The following ITGA9 variants were observed in gnomAD, a reference collection of about 807,000 sequenced individuals.
ITGA9 encodes the protein integrin subunit alpha 9.
In ITGA9, 56 loss-of-function variants were observed where a neutral mutation model predicts 127.8. The ratio of observed to expected loss-of-function variants is 0.44; its 90% CI spans 0.35 to 0.55. The LOEUF is 0.55. ITGA9 is among the 20% of genes least tolerant of loss of function. ITGA9 has a pLI of 0.00. For synonymous variants in ITGA9, 508 were observed against 514.5 expected (o/e 0.99, Z 0.17); for missense variants, 1,196 against 1,347.1 (o/e 0.89, Z 1.76).
chr3:37,537,960 G>T (rs758263173), intron 14 of ITGA9, among the ~76,000 whole-genome samples: 4 of 152,210 alleles, frequency 2.6e-5, no homozygotes, highest in Non-Finnish European at 5.9e-5. Context: ...GGTGAAGGTG[G>T]TGAATGCTTT....
At chr3:37,586,137 G>A (rs1699757282) in intron 15 of ITGA9, among the ~76,000 whole-genome samples, 1 of 152,206 alleles carries the variant, frequency 6.6e-6, no homozygotes, top group Admixed American at 6.5e-5. Context: ...AATATTGCCT[G>A]TGCCAACAGT....
intron 15 of ITGA9, among the ~76,000 whole-genome samples, chr3:37,613,207 T>C (rs548779405): frequency 2.8e-4 from 40 of 145,278 alleles, no homozygotes; most frequent in Non-Finnish European, 4.9e-4. Flanking sequence ...AGTGAGAACA[T>C]GCGGTGTTTG....
In ITGA9 at chr3:37,646,687, G is replaced by T. The variant is rs186565445; in HGVS notation, c.1840-7027G>T. Among the ~76,000 whole-genome samples, 5 of 152,332 alleles carry T rather than the reference G, an allele frequency of 3.3e-5. No individual in the cohort carries two copies. The East Asian group carries it at 9.6e-4, about 29-fold the overall frequency. ...CCAACTAGCAGGTGAAGTCTGGAGG[G>T]AGGTGGAAGAGACTGCTTCCAAGCT... On this transcript the variant is annotated intron_variant, in intron 16 of 27. Transcript: ENST00000264741.
chr3:37,698,929 G>T (rs903361798), intron 18 of ITGA9, among the ~76,000 whole-genome samples: 1 of 152,134 alleles, frequency 6.6e-6, no homozygotes, highest in African/African-American at 2.4e-5. Context: ...TAATAAACAC[G>T]TTTTCACGTG....
intron 17 of ITGA9, among the ~76,000 whole-genome samples, chr3:37,672,914 T>TA (rs1700651009): frequency 6.6e-6 from 1 of 151,790 alleles, no homozygotes; most frequent in Non-Finnish European, 1.5e-5. Flanking sequence ...TTTTTTTTTT[T>TA]ACAACAAAAA....
chr3:37,627,464 G>T (rs956303075), intron 15 of ITGA9, among the ~76,000 whole-genome samples: 1 of 152,198 alleles, frequency 6.6e-6, no homozygotes, highest in African/African-American at 2.4e-5. Context: ...CCGCAGCCCC[G>T]AGGAACTCTG....
chr3:37,602,504 T>C (rs554108777), intron 15 of ITGA9, among the ~76,000 whole-genome samples: 1 of 152,280 alleles, frequency 6.6e-6, no homozygotes, highest in South Asian at 2.1e-4. Context: ...TAATGAAATG[T>C]ATCAAGCAGA....
At chr3:37,585,526 G>A (rs998100199) in intron 15 of ITGA9, 24 of 473,478 alleles carry the variant, frequency 5.1e-5, no homozygotes, top group African/African-American at 3.0e-4. Flanking sequence ...TAGCATGCCC[G>A]TTGGGACAAT....
chr3:37,565,315 G>A (rs998893556), intron 15 of ITGA9, among the ~76,000 whole-genome samples: 4 of 152,176 alleles, frequency 2.6e-5, no homozygotes, highest in Non-Finnish European at 5.9e-5. Context: ...GCAGATGCAA[G>A]CACACATGCC....
intron 4 of ITGA9, among the ~76,000 whole-genome samples, chr3:37,483,548 G>A (rs1698578486): frequency 6.6e-6 from 1 of 152,234 alleles, no homozygotes; most frequent in African/African-American, 2.4e-5. Flanking sequence ...TCCTCAGCAC[G>A]TTACCTGGGC....
intron 18 of ITGA9, among the ~76,000 whole-genome samples, chr3:37,730,363 T>C (rs1696272812): frequency 6.6e-6 from 1 of 152,174 alleles, no homozygotes; most frequent in Admixed American, 6.5e-5. Context: ...GTTGTGGGTG[T>C]TGCTTCTGGC....
At chr3:37,503,117 G>A (rs1374844733) in intron 5 of ITGA9, 61 bp from the exon 6 acceptor site, 1 of 1,596,350 alleles carries the variant, frequency 6.3e-7, no homozygotes, top group African/African-American at 1.3e-5. Context: ...GGTTCTCATT[G>A]CATTCCCCTC....
intron 15 of ITGA9, among the ~76,000 whole-genome samples, chr3:37,548,468 A>G (rs1699349087): frequency 6.6e-6 from 1 of 152,224 alleles, no homozygotes; most frequent in Non-Finnish European, 1.5e-5. Context: ...ATCTCAATCA[A>G]ACTTATTTTG....
intron 23 of ITGA9, among the ~76,000 whole-genome samples, chr3:37,770,204 C>T (rs1370107041): frequency 6.6e-6 from 1 of 152,212 alleles, no homozygotes; most frequent in Non-Finnish European, 1.5e-5. Flanking sequence ...ACCCTCCACA[C>T]ATGGGTGCCG....
At chr3:37,684,744 C>T (rs1243639813) in intron 18 of ITGA9, among the ~76,000 whole-genome samples, 2 of 152,206 alleles carry the variant, frequency 1.3e-5, no homozygotes, top group African/African-American at 4.8e-5. Flanking sequence ...GCTGGGATTA[C>T]AGGTGTGACC....
Position 37,683,765 on chromosome 3 carries a change from T to G in ITGA9, c.1917-100T>G, listed in dbSNP as rs140286456. 2.8e-4 allele frequency: 337 copies of G among 1,218,342 alleles called. 1 individual carries two copies. The African/African-American group carries it at 4.1e-3, about 15-fold the overall frequency. 75.5% of individuals were successfully genotyped at this position (1,218,342 alleles called of 1,614,324 possible). On this transcript the variant is annotated intron_variant, in intron 17 of 27. Coordinates refer to ENST00000264741, the MANE Select transcript of ITGA9 (RefSeq NM_002207.3). ...ATGGGGCTCCTGGAACTTGTAGTTCTGATCTCGGTTTCTGCCCCCCACCTT... is the reference window on the plus strand; with the variant it reads ...ATGGGGCTCCTGGAACTTGTAGTTCGGATCTCGGTTTCTGCCCCCCACCTT...
At chr3:37,631,812 T>G (rs540280707) in intron 16 of ITGA9, among the ~76,000 whole-genome samples, 1 of 152,124 alleles carries the variant, frequency 6.6e-6, no homozygotes, top group Admixed American at 6.6e-5. Context: ...AGGGTTAGAG[T>G]TGACTTTTCA....
intron 26 of ITGA9, among the ~76,000 whole-genome samples, chr3:37,796,557 TTGAC>T (rs1697176524): frequency 6.6e-6 from 1 of 151,866 alleles, no homozygotes; most frequent in African/African-American, 2.4e-5. Context: ...GACAGGTTGA[TTGAC>T]AGATGGATAG....
chr3:37,640,918 G>C (rs914796400), intron 16 of ITGA9, among the ~76,000 whole-genome samples: 1 of 152,218 alleles, frequency 6.6e-6, no homozygotes, highest in African/African-American at 2.4e-5. Context: ...GGCAGCACTG[G>C]ATCCTGCTGT....
Sources: allele counts gnomAD v4.1 joint callset (sites outside exome capture counted in the v4.1 genomes callset), GRCh38; gene constraint gnomAD v4.1.1; transcripts MANE v1.5; gene names NCBI Gene and HGNC (gene_info 2026-07-23, HGNC 2026-07-21).